The following SLIT3 variants were observed in gnomAD, a reference collection of about 807,000 sequenced individuals.
The protein encoded by SLIT3 is slit homolog 3 protein.
Under a neutral mutation model 184.0 loss-of-function variants are expected in SLIT3, and 68 were observed. The observed-to-expected ratio is 0.37, with a 90% CI of 0.30 to 0.45. SLIT3 has a LOEUF of 0.45. Ranked by LOEUF, SLIT3 falls within the 20% of genes least tolerant of loss-of-function variation. The probability of loss-of-function intolerance (pLI) is 1.00; values close to 1 mark genes in which losing one functional copy is unlikely to be tolerated. For missense variants in SLIT3, 1,707 were observed against 2,026.0 expected, an observed-to-expected ratio of 0.84 and a Z score of 3.02; for synonymous variants, 831 against 828.6, an observed-to-expected ratio of 1.00 and a Z score of -0.05.
chr5:168,910,226 G>A (rs773384662), intron 4 of SLIT3, among the ~76,000 whole-genome samples: 1 of 152,144 alleles, frequency 6.6e-6, no homozygotes, highest in Non-Finnish European at 1.5e-5. Context: ...GAAACTGAAG[G>A]CTCAATGTAA....
At chr5:169,065,174 T>C (rs1758307243) in intron 4 of SLIT3, among the ~76,000 whole-genome samples, 1 of 152,158 alleles carries the variant, frequency 6.6e-6, no homozygotes. Flanking sequence ...CCTTAGAGAA[T>C]CTTAGATGTG....
At chr5:168,899,022 T>C (rs1017425718) in intron 4 of SLIT3, among the ~76,000 whole-genome samples, 6 of 145,410 alleles carry the variant, frequency 4.1e-5, no homozygotes, top group South Asian at 4.5e-4. Flanking sequence ...ATCTCTTTTG[T>C]AAAAGTCAGG....
chr5:168,907,971 T>TAG (rs1258570486), intron 4 of SLIT3, among the ~76,000 whole-genome samples: 2,092 of 70,778 alleles, frequency 0.03, 40 homozygotes, highest in Non-Finnish European at 0.04. Context: ...TATATATATA[T>TAG]ATATATATAG....
intron 4 of SLIT3, among the ~76,000 whole-genome samples, chr5:168,961,210 G>T (rs1216738056): frequency 6.6e-6 from 1 of 152,098 alleles, no homozygotes; most frequent in Non-Finnish European, 1.5e-5. Flanking sequence ...AAACCCCTAG[G>T]TAACAGGACA....
At position 168,735,696 on chromosome 5, in the gene SLIT3, ACACACACAC is replaced by A. The variant is rs1381751192; in HGVS notation, c.2271-11221_2271-11213del. On this transcript the variant is annotated intron_variant, in intron 20 of 35. Transcript: ENST00000519560. Reference sequence around the variant, plus strand: ...CACACACACACACACACACACACACACACACACACATCTCCATCCAATAATACACATAGC... The same window carrying A: ...CACACACACACACACACACACACACAATCTCCATCCAATAATACACATAGC... Among the ~76,000 whole-genome samples the A allele has an allele frequency of 3.5e-3, 483 of 139,300 alleles. 3 individuals carry two copies. The highest frequency in any genetic ancestry group is 0.011 in the African/African-American group (434 of 39,690). The allele number at this position is 139,300 out of a possible 152,430, so 91.4% of individuals were successfully genotyped here.
intron 16 of SLIT3, among the ~76,000 whole-genome samples, chr5:168,759,398 A>G (rs1341045222): frequency 1.3e-5 from 2 of 152,216 alleles, no homozygotes; most frequent in African/African-American, 4.8e-5. Flanking sequence ...CAGCAGCACT[A>G]TAACTCAAGC....
chr5:169,091,688 C>T (rs1759590910), intron 4 of SLIT3, among the ~76,000 whole-genome samples: 1 of 152,182 alleles, frequency 6.6e-6, no homozygotes, highest in African/African-American at 2.4e-5. Context: ...CTTGATGGGG[C>T]TCGTGGTTTC....
chr5:168,757,527 A>G (rs181554367), intron 16 of SLIT3, among the ~76,000 whole-genome samples: 437 of 152,214 alleles, frequency 2.9e-3, no homozygotes, highest in East Asian at 4.3e-3. Context: ...TCCGCCTCCC[A>G]GGTTCACGCC....
intron 20 of SLIT3, among the ~76,000 whole-genome samples, chr5:168,743,841 C>T (rs373655971): frequency 2.6e-5 from 4 of 152,178 alleles, no homozygotes; most frequent in African/African-American, 9.7e-5. Flanking sequence ...TTTTAGCGGT[C>T]TGGATAGAAA....
At chr5:169,071,673 G>C (rs1047838408) in intron 4 of SLIT3, among the ~76,000 whole-genome samples, 5 of 152,112 alleles carry the variant, frequency 3.3e-5, no homozygotes, top group African/African-American at 1.2e-4. Flanking sequence ...AATCTTTACT[G>C]TGTGCAAGTG....
At chr5:169,272,207 T>G (rs1766651854) in intron 1 of SLIT3, among the ~76,000 whole-genome samples, 1 of 152,224 alleles carries the variant, frequency 6.6e-6, no homozygotes, top group Non-Finnish European at 1.5e-5. Context: ...AGAGTCCCTG[T>G]TCCGTTTGCA....
intron 4 of SLIT3, among the ~76,000 whole-genome samples, chr5:169,046,577 G>A (rs1405569799): frequency 1.3e-5 from 2 of 152,198 alleles, no homozygotes; most frequent in African/African-American, 2.4e-5. Context: ...AGGAAGGCAC[G>A]AAGAAAGCCA....
At chr5:169,112,521 C>T (rs1158513389) in intron 4 of SLIT3, among the ~76,000 whole-genome samples, 1 of 152,176 alleles carries the variant, frequency 6.6e-6, no homozygotes, top group Non-Finnish European at 1.5e-5. Flanking sequence ...ATTCCAGGTT[C>T]AAAGCCAACC....
chr5:168,981,846 G>T (rs1386758502), intron 4 of SLIT3, among the ~76,000 whole-genome samples: 2 of 152,180 alleles, frequency 1.3e-5, no homozygotes, highest in Non-Finnish European at 2.9e-5. Context: ...GAGCCTGGAT[G>T]TTTAAGGGCA....
chr5:168,708,194 C>T (rs536384871), intron 25 of SLIT3, 94 bp from the exon 26 acceptor site: 50 of 1,556,264 alleles, frequency 3.2e-5, no homozygotes, highest in South Asian at 2.8e-4. Context: ...CCTCAGCCAG[C>T]GCCAGCCCCT....
Position 169,166,811 on chromosome 5 carries a change from T to C in SLIT3, c.413+26668A>G, listed in dbSNP as rs1485040989. 1.3e-5 allele frequency among the ~76,000 whole-genome samples: 2 copies of C among 152,196 alleles called. 1 individual carries two copies. Among genetic ancestry groups the C allele is most frequent in the Non-Finnish European group, 2.9e-5 (2 of 68,018 alleles). ...GGTTTGTGTATGATCCCATGTCACTTGGAGAATGTAGAATATTCTCCAAAG... is the reference window on the plus strand; with the variant it reads ...GGTTTGTGTATGATCCCATGTCACTCGGAGAATGTAGAATATTCTCCAAAG... On this transcript the variant is annotated intron_variant, in intron 4 of 35. Coordinates refer to ENST00000519560, the MANE Select transcript of SLIT3 (RefSeq NM_003062.4).
At chr5:168,726,368 CAGGGAGGG>C (rs1170732141) in intron 20 of SLIT3, among the ~76,000 whole-genome samples, 2 of 40,278 alleles carry the variant, frequency 5.0e-5, no homozygotes, top group South Asian at 9.4e-4. Flanking sequence ...GAGAGGGAGG[CAGGGAGGG>C]AGAGGGAGGC....
At chr5:168,713,044 A>T (rs1479520712) in intron 23 of SLIT3, among the ~76,000 whole-genome samples, 2 of 152,150 alleles carry the variant, frequency 1.3e-5, no homozygotes, top group Non-Finnish European at 2.9e-5. Flanking sequence ...ACCTAAAGAG[A>T]TCTTAGGCAC....
intron 1 of SLIT3, among the ~76,000 whole-genome samples, chr5:169,278,065 T>G (rs1766875089): frequency 6.6e-6 from 1 of 152,226 alleles, no homozygotes; most frequent in Non-Finnish European, 1.5e-5. Context: ...AATGAATAAA[T>G]GGTCTCTCCT....
Sources: gnomAD v4.1 joint callset for allele counts (sites outside exome capture counted in the v4.1 genomes callset) on GRCh38, gnomAD v4.1.1 for gene constraint, MANE v1.5 for transcripts, NCBI Gene and HGNC (gene_info 2026-07-23, HGNC 2026-07-21) for gene names.